LRRC37A2: variants seen among roughly 807,000 people sequenced by gnomAD.
LRRC37A2 encodes the protein leucine rich repeat containing 37 member A2.
LRRC37A2 carries 9 observed loss-of-function variants against 68.8 expected under a neutral mutation model. The observed-to-expected ratio is 0.13, with a 90% CI of 0.08 to 0.23. The LOEUF (loss-of-function observed/expected upper bound fraction) is 0.23. LRRC37A2 is among the 10% of genes least tolerant of loss of function. The probability of loss-of-function intolerance (pLI) is 1.00; values close to 1 mark genes in which losing one functional copy is unlikely to be tolerated. For missense variants in LRRC37A2, 168 were observed against 950.4 expected, an observed-to-expected ratio of 0.18 and a Z score of 10.82; for synonymous variants, 63 against 367.6, an observed-to-expected ratio of 0.17 and a Z score of 9.48.
At chr17:46,748,891 G>A in the LRRC37A2 span, among the ~76,000 whole-genome samples, 1 of 152,160 alleles carries the variant, frequency 6.6e-6, no homozygotes, top group African/African-American at 2.4e-5. Flanking sequence ...TACTCTGCAT[G>A]GCCTAGCTGT....
the LRRC37A2 span, among the ~76,000 whole-genome samples, chr17:46,911,746 T>C: frequency 6.6e-6 from 1 of 152,048 alleles, no homozygotes; most frequent in Non-Finnish European, 1.5e-5. Flanking sequence ...TAGCCGGGCA[T>C]GGTGGCACAC....
At chr17:47,047,881 T>C in the LRRC37A2 span, among the ~76,000 whole-genome samples, 27 of 151,162 alleles carry the variant, frequency 1.8e-4, no homozygotes, top group East Asian at 5.0e-3. Flanking sequence ...TCAAGGGCTT[T>C]CAAGAGTGTT....
the LRRC37A2 span, among the ~76,000 whole-genome samples, chr17:46,588,729 T>G: frequency 7.5e-5 from 4 of 53,010 alleles, 1 homozygote; most frequent in African/African-American, 3.0e-4. Context: ...TAAGCTTATT[T>G]AATTATACCT....
At chr17:46,759,490 T>C in the LRRC37A2 span, among the ~76,000 whole-genome samples, 1 of 152,210 alleles carries the variant, frequency 6.6e-6, no homozygotes, top group South Asian at 2.1e-4. Flanking sequence ...ATGCAACTTC[T>C]GTCTCACTAT....
chr17:46,985,178 G>A, the LRRC37A2 span, among the ~76,000 whole-genome samples: 1 of 152,206 alleles, frequency 6.6e-6, no homozygotes, highest in Admixed American at 6.5e-5. Flanking sequence ...ACCCCTAAGA[G>A]ACTTCGAGGT....
chr17:46,842,470 G>T, the LRRC37A2 span, among the ~76,000 whole-genome samples: 1 of 152,176 alleles, frequency 6.6e-6, no homozygotes, highest in East Asian at 1.9e-4. Flanking sequence ...AAACTCCTGG[G>T]TTCAAACCAT....
chr17:46,877,131 A>G, the LRRC37A2 span: 3 of 973,984 alleles, frequency 3.1e-6, no homozygotes, highest in South Asian at 1.4e-4. Context: ...AGGAATGCCA[A>G]GGCAGGCAGT....
At chr17:46,979,470 C>G in the LRRC37A2 span, among the ~76,000 whole-genome samples, 2 of 152,218 alleles carry the variant, frequency 1.3e-5, no homozygotes, top group African/African-American at 2.4e-5. Context: ...CACCCGCTGT[C>G]CGTTCTTGGC....
the LRRC37A2 span, chr17:46,755,912 G>A: frequency 7.6e-5 from 100 of 1,322,070 alleles, no homozygotes; most frequent in African/African-American, 1.4e-3. Context: ...CAAGATACTG[G>A]ACTAAGTGGA....
At chr17:46,710,182 A>G in the LRRC37A2 span, among the ~76,000 whole-genome samples, 1 of 152,204 alleles carries the variant, frequency 6.6e-6, no homozygotes, top group Non-Finnish European at 1.5e-5. Flanking sequence ...TGATCTTTAC[A>G]TGTAGTAGGT....
At chr17:47,033,255 G>GAAAGA in the LRRC37A2 span, 1 of 499,242 alleles carries the variant, frequency 2.0e-6, no homozygotes, top group Non-Finnish European at 3.5e-6. Context: ...AAAAAAGAAA[G>GAAAGA]AAAGAAAAGA....
the LRRC37A2 span, among the ~76,000 whole-genome samples, chr17:46,854,999 C>T: frequency 6.6e-6 from 1 of 152,210 alleles, no homozygotes; most frequent in South Asian, 2.1e-4. Context: ...ATCTGATCCT[C>T]AGAGCCATTT....
chr17:46,750,112 G>A, the LRRC37A2 span, among the ~76,000 whole-genome samples: 1 of 152,198 alleles, frequency 6.6e-6, no homozygotes, highest in Admixed American at 6.5e-5. Flanking sequence ...CAGCACTTTG[G>A]GAGGACGGGG....
chr17:46,836,141 T>TG, the LRRC37A2 span, among the ~76,000 whole-genome samples: 2 of 149,968 alleles, frequency 1.3e-5, no homozygotes, highest in Admixed American at 6.7e-5. Context: ...TGTGTCTCGG[T>TG]TGTGGTGGTG....
the LRRC37A2 span, chr17:46,886,164 AC>A: frequency 6.6e-6 from 1 of 152,270 alleles, no homozygotes; most frequent in Non-Finnish European, 1.5e-5. Flanking sequence ...AGTGCTGGGG[AC>A]ATAGCCAGTC....
the LRRC37A2 span, chr17:46,949,052 T>C: frequency 2.6e-5 from 4 of 152,122 alleles, no homozygotes; most frequent in East Asian, 5.8e-4. Flanking sequence ...CCACAAAACA[T>C]AGGGGCTGAC....
At chr17:46,940,701 T>C in the LRRC37A2 span, 1 of 1,608,246 alleles carries the variant, frequency 6.2e-7, no homozygotes, top group South Asian at 1.1e-5. Flanking sequence ...TGTGCACCAG[T>C]GCTTTCCACA....
At chr17:46,974,363 G>T in the LRRC37A2 span, among the ~76,000 whole-genome samples, 1 of 152,246 alleles carries the variant, frequency 6.6e-6, no homozygotes, top group African/African-American at 2.4e-5. Flanking sequence ...TCAGTAAACA[G>T]AATCTTAATT....
chr17:46,940,116 A>T, the LRRC37A2 span: 1 of 1,197,216 alleles, frequency 8.4e-7, no homozygotes, highest in East Asian at 4.3e-5. Flanking sequence ...GTTCCTCTTC[A>T]CCTCTCTTGT....
Sources: gnomAD v4.1 joint callset for allele counts (sites outside exome capture counted in the v4.1 genomes callset) on GRCh38, gnomAD v4.1.1 for gene constraint, MANE v1.5 for transcripts, NCBI Gene and HGNC (gene_info 2026-07-23, HGNC 2026-07-21) for gene names.